PDGFB: variants seen among roughly 807,000 people sequenced by gnomAD.
The protein encoded by PDGFB is platelet-derived growth factor subunit B.
PDGFB carries 6 observed loss-of-function variants against 29.0 expected under a neutral mutation model. The observed-to-expected ratio is 0.21, with a 90% CI of 0.11 to 0.41. The LOEUF is 0.41. PDGFB is among the 10% of genes least tolerant of loss of function. The pLI is 1.00. For synonymous variants in PDGFB, 144 were observed against 140.8 expected (o/e 1.02, Z -0.16); for missense variants, 299 against 341.8 (o/e 0.87, Z 0.99).
rs984376008 is a variant in PDGFB, at chr22:39,224,380, G to A, written c.*962C>T. ...CTGCACAACCTTACATGGCAGTCGT[G>A]GCTGGGTTGGAATATGATGAGCAGG... On this transcript the variant is annotated 3_prime_UTR_variant, in exon 7 of 7. Transcript: ENST00000331163. 15 of 152,418 alleles carry A rather than the reference G, an allele frequency of 9.8e-5. 1 individual carries two copies. The highest frequency in any genetic ancestry group is 7.9e-4 in the Admixed American group (12 of 15,276). 9.4% of individuals were successfully genotyped at this position (152,418 alleles called of 1,614,324 possible).
In PDGFB at chr22:39,242,131, G is replaced by A. The variant is rs994242441; in HGVS notation, c.63+1770C>T. ...ACGTGTGCTCAGGCCGCGCGTGCAGGGGCCGTGCGTGCGTTTGTGTGCGGT... is the reference window on the plus strand; with the variant it reads ...ACGTGTGCTCAGGCCGCGCGTGCAGAGGCCGTGCGTGCGTTTGTGTGCGGT... On this transcript the variant is annotated intron_variant, in intron 1 of 6. Coordinates refer to ENST00000331163, the MANE Select transcript of PDGFB (RefSeq NM_002608.4). This position sits in a 1 kb window ranked among gnomAD's most constrained non-coding sequence, Gnocchi z 5.7. 4.4e-6 allele frequency: 1 copy of A among 225,318 alleles called. No homozygotes were observed. 14.0% of individuals were successfully genotyped at this position (225,318 alleles called of 1,614,324 possible). A position where few individuals can be genotyped will look rare whatever the true frequency, so the allele number is the denominator to read the frequency against.
rs1453894213 is a variant in PDGFB, at chr22:39,231,264, G to C, written c.456+358C>G. The stretch of plus-strand genomic sequence containing the variant: ...GCTCCCCAAAACATTCTGAGTGTCA[G>C]ATAAATGTTTGCGGATACGGCTCTT... On this transcript the variant is annotated intron_variant, in intron 4 of 6. Transcript: ENST00000331163. The surrounding 1 kb of genome is among the most constrained non-coding windows in gnomAD (Gnocchi z 4.3). 2.6e-5 allele frequency among the ~76,000 whole-genome samples: 4 copies of C among 152,242 alleles called. No individual in the cohort carries two copies. Among genetic ancestry groups the C allele is most frequent in the African/African-American group, 9.6e-5 (4 of 41,468 alleles).
intron 2 of PDGFB, among the ~76,000 whole-genome samples, chr22:39,234,864 TAGAA>T (rs1932402525): frequency 6.6e-6 from 1 of 152,024 alleles, no homozygotes; most frequent in Non-Finnish European, 1.5e-5. Flanking sequence ...AAAGAAATGG[TAGAA>T]AGGCTAAATT....
At chr22:39,239,666 G>A (rs1218675244) in intron 1 of PDGFB, among the ~76,000 whole-genome samples, 1 of 152,226 alleles carries the variant, frequency 6.6e-6, no homozygotes, top group Non-Finnish European at 1.5e-5. Context: ...GTGAGGGCGT[G>A]GCGAGGAGGC....
rs1443590821 is a variant in PDGFB at position 39,231,855 on chromosome 22, A to G, written c.251-28T>C. 4.4e-6 allele frequency: 7 copies of G among 1,596,342 alleles called. No homozygotes were observed. The highest frequency in any genetic ancestry group is 6.0e-6 in the Non-Finnish European group (7 of 1,171,114). On this transcript the variant is annotated intron_variant, in intron 3 of 6. Transcript: ENST00000331163. This position sits in a 1 kb window ranked among gnomAD's most constrained non-coding sequence, Gnocchi z 4.3. ...GGGAGGAGACGAAACCTGGGTCAGG[A>G]GCGTAGGCCTGTCCAGAGTCCCCCC...
At chr22:39,236,675 A>G (rs1159187068) in intron 1 of PDGFB, among the ~76,000 whole-genome samples, 2 of 152,206 alleles carry the variant, frequency 1.3e-5, no homozygotes, top group Admixed American at 6.5e-5. Flanking sequence ...CCCCGTAGGA[A>G]GGTCACAGCC....
chr22:39,239,565 C>T (rs1932521557), intron 1 of PDGFB, among the ~76,000 whole-genome samples: 1 of 152,090 alleles, frequency 6.6e-6, no homozygotes, highest in Admixed American at 6.6e-5. Flanking sequence ...CCGCAGGCCT[C>T]CAGGTGGACA....
Position 39,231,774 on chromosome 22 carries a change from C to T in PDGFB, c.304G>A (p.Glu102Lys), listed in dbSNP as rs778821660. 3.7e-6 allele frequency: 6 copies of T among 1,613,574 alleles called. No homozygotes were observed. The highest frequency in any genetic ancestry group is 2.2e-5 in the South Asian group (2 of 90,986). ...AGGCGCCGGGAGATCTCGAACACCT[C>T]GGTGCGCGTCTTGCACTCGGCGATC... The part of the protein sequence containing the change: ...AMIAECKTRT[E>K]VFEISRRLID... Residue 102 changes from glutamate to lysine, a missense_variant, in exon 4 of 7, where the codon GAG becomes AAG. By Grantham distance (56) the Glu-to-Lys change is moderately conservative (BLOSUM62 1). Coordinates refer to ENST00000331163, the MANE Select transcript of PDGFB (RefSeq NM_002608.4). The surrounding 1 kb of genome is among the most constrained non-coding windows in gnomAD (Gnocchi z 4.3).
intron 1 of PDGFB, among the ~76,000 whole-genome samples, chr22:39,236,487 G>A (rs1932445971): frequency 6.6e-6 from 1 of 152,186 alleles, no homozygotes; most frequent in African/African-American, 2.4e-5. Context: ...GGGAATCCTC[G>A]GACACGGCCG....
chr22:39,230,683 T>C (rs1168875361), intron 4 of PDGFB, among the ~76,000 whole-genome samples: 2 of 152,178 alleles, frequency 1.3e-5, no homozygotes, highest in Non-Finnish European at 2.9e-5. Flanking sequence ...GGACAGGAGA[T>C]ACCACGAGAG....
Position 39,231,708 on chromosome 22 carries a change from A to C in PDGFB, c.370T>G (p.Cys124Gly). The C allele has an allele frequency of 6.2e-7, 1 of 1,609,464 alleles. No individual in the cohort carries two copies. The highest frequency in any genetic ancestry group is 8.5e-7 in the Non-Finnish European group (1 of 1,178,272). The change falls in exon 4 of 7, where the codon TGT (cysteine) becomes GGT (glycine). Residue 124 changes from cysteine to glycine, a missense_variant. By Grantham distance (159) the Cys-to-Gly change is radical (BLOSUM62 -3). Transcript: ENST00000331163. The surrounding 1 kb of genome is among the most constrained non-coding windows in gnomAD (Gnocchi z 4.3). ...TNANFLVWPP[C>G]VEVQRCSGCC... ...CCGGAGCAGCGCTGCACCTCCACAC[A>C]GGGCGGCCACACCAGGAAGTTGGCG...
chr22:39,235,015 C>T (rs1195638173), intron 2 of PDGFB, among the ~76,000 whole-genome samples: 1 of 152,182 alleles, frequency 6.6e-6, no homozygotes, highest in Non-Finnish European at 1.5e-5. Flanking sequence ...CTCACCGCCC[C>T]CCAGCACAGG....
intron 5 of PDGFB, 124 bp from the exon 6 acceptor site, chr22:39,225,971 G>GA: frequency 8.6e-7 from 1 of 1,169,374 alleles, no homozygotes; most frequent in East Asian, 2.6e-5. Context: ...TCTGGACCAG[G>GA]GTCCTGGGTT....
chr22:39,230,685 C>G (rs1388983344), intron 4 of PDGFB, among the ~76,000 whole-genome samples: 1 of 152,232 alleles, frequency 6.6e-6, no homozygotes, highest in Non-Finnish European at 1.5e-5. Flanking sequence ...ACAGGAGATA[C>G]CACGAGAGTG....
Position 39,230,131 on chromosome 22 carries a change from G to A in PDGFB, c.554C>T (p.Ala185Val), listed in dbSNP as rs755243108. 1.2e-5 allele frequency: 19 copies of A among 1,613,662 alleles called. No homozygotes were observed. Among genetic ancestry groups the A allele is most frequent in the Non-Finnish European group, 1.6e-5 (19 of 1,180,014 alleles). Reference sequence around the variant, plus strand: ...CGGGCTTCGGGTCACAGGCCGTGCAGCTGCCACTGTCTCACACTTGCATGC... The same window carrying A: ...CGGGCTTCGGGTCACAGGCCGTGCAACTGCCACTGTCTCACACTTGCATGC... ...HLACKCETVAAARPVTRSPGG... is the reference protein window; with the variant it reads ...HLACKCETVAVARPVTRSPGG... Residue 185 changes from alanine (A) to valine (V), a missense_variant, in exon 5 of 7, where the codon GCT (alanine) becomes GTT (valine). By Grantham distance (64) the Ala-to-Val change is moderately conservative. Coordinates refer to ENST00000331163, the MANE Select transcript of PDGFB (RefSeq NM_002608.4).
chr22:39,243,893 C>A lies in PDGFB; in HGVS notation c.63+8G>T. On this transcript the variant is annotated splice_region_variant and intron_variant, in intron 1 of 6. Coordinates refer to ENST00000331163, the MANE Select transcript of PDGFB (RefSeq NM_002608.4). The surrounding 1 kb of genome is among the most constrained non-coding windows in gnomAD (Gnocchi z 6.4). ...GAAGAACCAGCCCCAGCCGCCGTGG[C>A]AACTCACCTCGGCGCTGACCAGACG... 1.2e-6 allele frequency: 2 copies of A among 1,600,224 alleles called. No individual in the cohort carries two copies. Among genetic ancestry groups the A allele is most frequent in the African/African-American group, 1.3e-5 (1 of 74,382 alleles).
Position 39,233,456 on chromosome 22 carries a change from C to G in PDGFB, c.229G>C (p.Ala77Pro). The G allele has an allele frequency of 6.3e-7, 1 of 1,593,464 alleles. No homozygotes were observed. The highest frequency in any genetic ancestry group is 8.5e-7 in the Non-Finnish European group (1 of 1,171,068). The change falls in exon 3 of 7, where the codon GCT becomes CCT. Residue 77 changes from alanine (A) to proline (P), a missense_variant. Coordinates refer to ENST00000331163, the MANE Select transcript of PDGFB (RefSeq NM_002608.4). ...TTACCCAGGCTCCTTCTTCCACGAG[C>G]CAAGCTCTCCAGCTCGCCTCCAGAG... ...SHSGGELESL[A>P]RGRRSLGSLT... is the part of the protein sequence containing the mutation.
intron 2 of PDGFB, among the ~76,000 whole-genome samples, chr22:39,233,896 G>A (rs1021222058): frequency 4.6e-5 from 7 of 152,040 alleles, no homozygotes; most frequent in African/African-American, 7.3e-5. Flanking sequence ...TCCACCCAGC[G>A]TTCCCATAGG....
At chr22:39,233,914 G>C (rs1601599124) in intron 2 of PDGFB, among the ~76,000 whole-genome samples, 1 of 152,010 alleles carries the variant, frequency 6.6e-6, no homozygotes, top group South Asian at 2.1e-4. Flanking sequence ...AGGAAGTGCT[G>C]AATGGAGAAA....
Sources: gnomAD v4.1 joint callset for allele counts (sites outside exome capture counted in the v4.1 genomes callset) on GRCh38, gnomAD v4.1.1 for gene constraint, Gnocchi (gnomAD v3.1) non-coding constraint, MANE v1.5 for transcripts, NCBI Gene and HGNC (gene_info 2026-07-23, HGNC 2026-07-21) for gene names.